ZNF333: variants seen among roughly 807,000 people sequenced by gnomAD.
The protein encoded by ZNF333 is zinc finger protein 333.
In ZNF333, 61 loss-of-function variants were observed where a neutral mutation model predicts 76.1. That is an observed-to-expected ratio of 0.80 (90% confidence interval 0.65 to 0.99). ZNF333 has a LOEUF of 0.99. Ranked by LOEUF, ZNF333 falls within the 50% of genes least tolerant of loss-of-function variation. ZNF333 has a pLI of 0.00. For synonymous variants in ZNF333, 284 were observed against 305.0 expected, an observed-to-expected ratio of 0.93 and a Z score of 0.72; for missense variants, 717 against 822.4, an observed-to-expected ratio of 0.87 and a Z score of 1.57.
At chr19:14,689,955 G>A (rs949619579), upstream of ZNF333, 1 of 152,418 alleles carries the variant, frequency 6.6e-6, no homozygotes, top group Non-Finnish European at 1.5e-5. Context: ...GGAGGCTAAA[G>A]AAGACGTTAG....
Position 14,731,045 on chromosome 19 carries a change from C to T in ZNF333, c.901-130C>T, listed in dbSNP as rs2042666851. 8.1e-6 allele frequency: 6 copies of T among 737,646 alleles called. No individual in the cohort carries two copies. The East Asian group carries it at 1.6e-4, about 20-fold the overall frequency. The allele number at this position is 737,646 out of a possible 1,614,324, so 45.7% of individuals were successfully genotyped here. ...AGCAGATATTTAGGACATTCATAGGCAGTCCCTTACATGCTGCCCTGGTCT... is the reference window on the plus strand; with the variant it reads ...AGCAGATATTTAGGACATTCATAGGTAGTCCCTTACATGCTGCCCTGGTCT... On this transcript the variant is annotated intron_variant, in intron 11 of 11. Coordinates refer to the ZNF333 transcript ENST00000540689.
chr19:14,708,276 G>A (rs1472661966), intron 7 of ZNF333: 1 of 399,936 alleles, frequency 2.5e-6, no homozygotes, highest in Non-Finnish European at 4.4e-6. Context: ...CCAAAGTGCT[G>A]GGACCACAGG....
intron 7 of ZNF333, chr19:14,708,167 C>G (rs1209322893): frequency 2.5e-6 from 1 of 392,336 alleles, no homozygotes; most frequent in Non-Finnish European, 4.5e-6. Context: ...GCTACCATGC[C>G]CGGCTAATTT....
intron 7 of ZNF333, among the ~76,000 whole-genome samples, chr19:14,714,023 C>T (rs767791863): frequency 2.5e-4 from 38 of 152,104 alleles, no homozygotes; most frequent in African/African-American, 3.6e-4. Flanking sequence ...TTTCCCAGCA[C>T]GGATGGAGGT....
At chr19:14,692,874 A>G (rs901421791) in intron 1 of ZNF333, among the ~76,000 whole-genome samples, 1 of 150,814 alleles carries the variant, frequency 6.6e-6, no homozygotes, top group Admixed American at 6.6e-5. Context: ...CCAGGCTGCA[A>G]TGCCGTGGCA....
At chr19:14,697,641 G>A (rs11880837) in intron 4 of ZNF333, among the ~76,000 whole-genome samples, 45,381 of 152,030 alleles carry the variant, frequency 0.3, 7,681 homozygotes, top group East Asian at 0.61. Context: ...GATTACAGGC[G>A]TGCGCCACCG....
rs760260227 is a variant in ZNF333, at chr19:14,699,249, T to C, written c.274T>C (p.Leu92=). 3 of 1,613,972 alleles carry C rather than the reference T, an allele frequency of 1.9e-6. No homozygotes were observed. The highest frequency in any genetic ancestry group is 2.2e-5 in the East Asian group (1 of 44,864). The change falls in exon 5 of 12, where the codon TTG becomes CTG. Residue 92 remains leucine, a synonymous_variant. Transcript: ENST00000292530. The stretch of plus-strand genomic sequence containing the variant: ...AGAGTTGCCTTCTATGCAGGATCTT[T>C]TGGAAGAAGCATCCTCCAGGGACAT... ...PEELPSMQDL[L]EEASSRDMQM...
intron 5 of ZNF333, chr19:14,700,200 T>TC (rs1440822130): frequency 6.7e-6 from 1 of 150,070 alleles, no homozygotes; most frequent in Non-Finnish European, 1.5e-5. Context: ...TTTTTTTTTT[T>TC]CTTAGAGATG....
chr19:14,718,702 TTCAA>T lies in ZNF333; in HGVS notation c.1379_1382del (p.Asn460SerfsTer9). 1 of 1,614,058 alleles carries T rather than the reference TTCAA, an allele frequency of 6.2e-7. No homozygotes were observed. Among genetic ancestry groups the T allele is most frequent in the Non-Finnish European group, 8.5e-7 (1 of 1,180,020 alleles). On this transcript the variant is annotated frameshift_variant, in exon 12 of 12. Transcript: ENST00000292530. LOFTEE classifies it high-confidence loss of function. ...CGAGTGTAAAGATTGTGGGAAAGCC[TTCAA>T]TCAGCCATCATCCCTCAGGAGCCAC... is the stretch of plus-strand genomic sequence containing the variant.
chr19:14,693,556 G>A, intron 2 of ZNF333, 62 bp downstream of exon 2: 1 of 1,542,646 alleles, frequency 6.5e-7, no homozygotes, highest in East Asian at 2.3e-5. Context: ...TATGTCCTCT[G>A]GGCCCTGTCT....
At chr19:14,698,941 CAT>C (rs1555771122) in intron 4 of ZNF333, among the ~76,000 whole-genome samples, 32 of 133,158 alleles carry the variant, frequency 2.4e-4, no homozygotes, top group African/African-American at 8.0e-4. Flanking sequence ...TATATACACA[CAT>C]ATATATTTTC....
chr19:14,725,475 AAAGTCCC>A (rs1219045796), downstream of ZNF333, among the ~76,000 whole-genome samples: 1 of 152,176 alleles, frequency 6.6e-6, no homozygotes, highest in Non-Finnish European at 1.5e-5. Flanking sequence ...AACTCAATCA[AAAGTCCC>A]AAGTCCCAAG....
chr19:14,701,638 G>A (rs147203532), intron 5 of ZNF333: 9 of 985,380 alleles, frequency 9.1e-6, no homozygotes, highest in African/African-American at 8.7e-5. Context: ...ACGAGGGCCC[G>A]GTGCCCTCTT....
At chr19:14,699,986 C>G (rs1973562165) in intron 5 of ZNF333, among the ~76,000 whole-genome samples, 1 of 151,904 alleles carries the variant, frequency 6.6e-6, no homozygotes, top group Non-Finnish European at 1.5e-5. Flanking sequence ...TATTGGCGAG[C>G]TTTCCACCAT....
intron 4 of ZNF333, among the ~76,000 whole-genome samples, chr19:14,697,640 C>T (rs981895044): frequency 2.0e-5 from 3 of 152,088 alleles, no homozygotes; most frequent in African/African-American, 7.2e-5. Context: ...GGATTACAGG[C>T]GTGCGCCACC....
intron 7 of ZNF333, among the ~76,000 whole-genome samples, chr19:14,712,676 G>A (rs925597864): frequency 3.3e-5 from 5 of 152,088 alleles, no homozygotes; most frequent in African/African-American, 1.2e-4. Context: ...GTGCTCCTTG[G>A]CTTGTGGATG....
At chr19:14,706,132 A>G in intron 6 of ZNF333, 2 of 457,448 alleles carry the variant, frequency 4.4e-6, no homozygotes, top group Non-Finnish European at 8.8e-6. Context: ...GCCCAGAGCC[A>G]CCGTTAGTTC....
Position 14,716,103 on chromosome 19 carries a change from G to A in ZNF333, c.601-9G>A. 1 of 1,613,980 alleles carries A rather than the reference G, an allele frequency of 6.2e-7. No individual in the cohort carries two copies. The stretch of plus-strand genomic sequence containing the variant: ...TCCCTGGCTGAGCCGGGATGGATGT[G>A]TGTTTTAGGAACCAGTCACCTTTGC... On this transcript the variant is annotated splice_polypyrimidine_tract_variant and intron_variant, in intron 8 of 11. Coordinates refer to ENST00000292530, the MANE Select transcript of ZNF333 (RefSeq NM_032433.4).
At chr19:14,699,052 T>C in intron 4 of ZNF333, 147 bp from the exon 5 acceptor site, 1 of 553,218 alleles carries the variant, frequency 1.8e-6, no homozygotes, top group East Asian at 3.2e-5. Flanking sequence ...GGTATTAAAA[T>C]TTGAATATTT....
Sources: allele counts gnomAD v4.1 joint callset (sites outside exome capture counted in the v4.1 genomes callset), GRCh38; gene constraint gnomAD v4.1.1; transcripts MANE v1.5; gene names NCBI Gene and HGNC (gene_info 2026-07-23, HGNC 2026-07-21).